Variants in DNAJC3 observed in about 807,000 individuals in gnomAD.
The protein encoded by DNAJC3 is dnaJ homolog subfamily C member 3.
In DNAJC3, 38 loss-of-function variants were observed where a neutral mutation model predicts 68.6. The observed-to-expected ratio is 0.55, with a 90% CI of 0.43 to 0.73. The LOEUF is 0.73. DNAJC3 is among the 30% of genes least tolerant of loss of function. The probability of loss-of-function intolerance (pLI) is 0.00; values close to 1 mark genes in which losing one functional copy is unlikely to be tolerated. For missense variants in DNAJC3, 526 were observed against 591.9 expected, an observed-to-expected ratio of 0.89 and a Z score of 1.16; for synonymous variants, 203 against 204.0, an observed-to-expected ratio of 1.00 and a Z score of 0.04.
intron 1 of DNAJC3, among the ~76,000 whole-genome samples, chr13:95,703,916 G>A (rs904914512): frequency 4.6e-5 from 7 of 151,260 alleles, no homozygotes; most frequent in African/African-American, 1.7e-4. Flanking sequence ...TTTGGTTGCT[G>A]TAACGTTTCA....
chr13:95,765,750 C>T (rs111237170), intron 9 of DNAJC3, among the ~76,000 whole-genome samples: 2,276 of 151,506 alleles, frequency 0.015, 61 homozygotes, highest in African/African-American at 0.052. Context: ...TTTTGTACTT[C>T]TAGTAGTGAT....
intron 9 of DNAJC3, among the ~76,000 whole-genome samples, chr13:95,785,696 C>G (rs1883580921): frequency 6.6e-6 from 1 of 151,370 alleles, no homozygotes; most frequent in South Asian, 2.1e-4. Flanking sequence ...AACTCCTGAC[C>G]CTCATGATCC....
At chr13:95,701,325 A>C (rs1846953177) in intron 1 of DNAJC3, among the ~76,000 whole-genome samples, 1 of 152,226 alleles carries the variant, frequency 6.6e-6, no homozygotes, top group African/African-American at 2.4e-5. Context: ...AACTGTAGAC[A>C]CAAGAATAGC....
chr13:95,706,289 G>T (rs1039956066), intron 1 of DNAJC3, among the ~76,000 whole-genome samples: 4 of 152,196 alleles, frequency 2.6e-5, no homozygotes, highest in African/African-American at 9.7e-5. Flanking sequence ...CCATTAATGG[G>T]CATGGCCCCA....
chr13:95,750,431 C>T (rs1027952011), intron 4 of DNAJC3, among the ~76,000 whole-genome samples: 3 of 152,100 alleles, frequency 2.0e-5, no homozygotes, highest in Non-Finnish European at 2.9e-5. Context: ...TGATCTCCAT[C>T]GTCATCTATA....
intron 9 of DNAJC3, among the ~76,000 whole-genome samples, chr13:95,779,802 T>G (rs1240081104): frequency 6.6e-6 from 1 of 152,214 alleles, no homozygotes; most frequent in Non-Finnish European, 1.5e-5. Context: ...GTTTTGTTTT[T>G]CTGATGGCTA....
intron 9 of DNAJC3, among the ~76,000 whole-genome samples, chr13:95,764,347 T>TTCTCTC (rs3051424): frequency 0.019 from 2,482 of 129,960 alleles, 37 homozygotes; most frequent in Middle Eastern, 0.056. Context: ...CATATACATA[T>TTCTCTC]TCTCTCTCTC....
intron 9 of DNAJC3, among the ~76,000 whole-genome samples, chr13:95,771,925 T>C (rs934721725): frequency 3.9e-5 from 6 of 152,124 alleles, no homozygotes; most frequent in African/African-American, 1.4e-4. Context: ...TTCAGCATGT[T>C]TTTGAGATTT....
At chr13:95,744,993 T>C (rs1015225489) in intron 4 of DNAJC3, 2 of 152,238 alleles carry the variant, frequency 1.3e-5, no homozygotes, top group African/African-American at 4.8e-5. Context: ...GCTTTTGCGG[T>C]ACAGTCTGGC....
intron 1 of DNAJC3, among the ~76,000 whole-genome samples, chr13:95,683,361 G>A (rs996823104): frequency 6.6e-6 from 1 of 152,160 alleles, no homozygotes; most frequent in African/African-American, 2.4e-5. Context: ...TCTGGGGCCT[G>A]GTGGGAAGTG....
Position 95,760,227 on chromosome 13 carries a change from T to G in DNAJC3, c.728+6T>G, listed in dbSNP as rs190426379. On this transcript the variant is annotated splice_donor_region_variant and intron_variant, in intron 6 of 11. Transcript: ENST00000602402. ...GACCACGAACTGTCCCTCAGGTCAGTTCTAGTGACACACATGTCTGATCTT... is the reference window on the plus strand; with the variant it reads ...GACCACGAACTGTCCCTCAGGTCAGGTCTAGTGACACACATGTCTGATCTT... The G allele has an allele frequency of 1.2e-4, 181 of 1,539,948 alleles. 2 individuals are homozygous for G. Among genetic ancestry groups the G allele is most frequent in the Non-Finnish European group, 1.4e-5 (16 of 1,143,976 alleles).
chr13:95,738,759 G>A (rs1475861590), intron 4 of DNAJC3, among the ~76,000 whole-genome samples: 2 of 152,032 alleles, frequency 1.3e-5, no homozygotes, highest in Non-Finnish European at 2.9e-5. Flanking sequence ...CACACTGATG[G>A]GTCTTGACTC....
chr13:95,691,544 G>A (rs1341604160), intron 1 of DNAJC3, among the ~76,000 whole-genome samples: 2 of 151,738 alleles, frequency 1.3e-5, no homozygotes, highest in East Asian at 1.9e-4. Flanking sequence ...GATGGCGGCC[G>A]GGCAGAGACG....
At chr13:95,697,029 T>C (rs1284345498) in intron 1 of DNAJC3, among the ~76,000 whole-genome samples, 1 of 152,232 alleles carries the variant, frequency 6.6e-6, no homozygotes, top group African/African-American at 2.4e-5. Context: ...CCTTCAAGGT[T>C]AATATTGATA....
At chr13:95,680,578 T>C (rs990512843) in intron 1 of DNAJC3, among the ~76,000 whole-genome samples, 4 of 152,242 alleles carry the variant, frequency 2.6e-5, no homozygotes, top group African/African-American at 9.6e-5. Flanking sequence ...TTAAATTCTT[T>C]AATAAGATAG....
At chr13:95,719,984 T>C (rs1012591539) in intron 2 of DNAJC3, among the ~76,000 whole-genome samples, 1 of 152,202 alleles carries the variant, frequency 6.6e-6, no homozygotes, top group Non-Finnish European at 1.5e-5. Flanking sequence ...AAAAAGTCTG[T>C]ACATGTTCAG....
At chr13:95,757,591 G>T in intron 4 of DNAJC3, 53 bp from the exon 5 acceptor site, 2 of 1,463,816 alleles carry the variant, frequency 1.4e-6, no homozygotes, top group Non-Finnish European at 1.8e-6. Flanking sequence ...TATATTACAG[G>T]TATCAGATTT....
chr13:95,789,835 A>G (rs572387691), intron 11 of DNAJC3, among the ~76,000 whole-genome samples: 1 of 152,118 alleles, frequency 6.6e-6, no homozygotes, highest in South Asian at 2.1e-4. Context: ...AATAATAGCC[A>G]TTTTTTATTT....
chr13:95,783,946 G>A, intron 9 of DNAJC3, among the ~76,000 whole-genome samples: 1 of 152,148 alleles, frequency 6.6e-6, no homozygotes, highest in East Asian at 1.9e-4. Context: ...CCAGGAAGAG[G>A]AGGGAGGGGC....
Sources: allele counts gnomAD v4.1 joint callset (sites outside exome capture counted in the v4.1 genomes callset), GRCh38; gene constraint gnomAD v4.1.1; transcripts MANE v1.5; gene names NCBI Gene and HGNC (gene_info 2026-07-23, HGNC 2026-07-21).